Variants in USP12 observed in about 807,000 individuals in gnomAD.
USP12 encodes the protein ubiquitin specific peptidase 12.
Under a neutral mutation model 45.5 loss-of-function variants are expected in USP12, and 19 were observed. That is an observed-to-expected ratio of 0.42 (90% CI 0.29 to 0.61). The LOEUF (loss-of-function observed/expected upper bound fraction) is 0.61. Ranked by LOEUF, USP12 falls within the 20% of genes least tolerant of loss-of-function variation. The pLI, the probability that USP12 is intolerant of heterozygous loss-of-function variation, is 0.22. For missense variants in USP12, 242 were observed against 447.7 expected (o/e 0.54, Z 4.15); for synonymous variants, 149 against 148.8 (o/e 1.00, Z -0.01).
chr13:27,122,058 G>A (rs955161422), intron 1 of USP12, among the ~76,000 whole-genome samples: 46 of 152,264 alleles, frequency 3.0e-4, no homozygotes, highest in African/African-American at 1.1e-3. Flanking sequence ...GGCCAGGCAT[G>A]GTGGCTCGTG....
At chr13:27,149,012 A>G (rs559328044) in intron 1 of USP12, among the ~76,000 whole-genome samples, 2 of 151,914 alleles carry the variant, frequency 1.3e-5, no homozygotes, top group Non-Finnish European at 2.9e-5. Context: ...GTGAGAACCC[A>G]TCTCCACCAA....
At position 27,075,244 on chromosome 13, in the gene USP12, G is replaced by C. The variant is rs1393955706; in HGVS notation, c.879C>G (p.Ala293=). ...GGTCGTACATTCTGTCTGGATTGGT[G>C]GCATCACCTGAAGTGTTAAACAGAC... ...ELRLFNTSGD[A]TNPDRMYDLV... is the part of the protein sequence containing the mutation. The change falls in exon 7 of 9, where the codon GCC becomes GCG. Residue 293 remains alanine, a synonymous_variant. Transcript: ENST00000282344. The C allele has an allele frequency of 6.2e-7, 1 of 1,613,892 alleles. No individual in the cohort carries two copies. The highest frequency in any genetic ancestry group is 2.2e-5 in the East Asian group (1 of 44,852).
intron 1 of USP12, among the ~76,000 whole-genome samples, chr13:27,122,134 CAA>C (rs1365758382): frequency 2.0e-5 from 3 of 151,776 alleles, no homozygotes; most frequent in Admixed American, 2.0e-4. Context: ...CCAACCTGGG[CAA>C]CATGGCGAAA....
In USP12 at chr13:27,105,771, T is replaced by A. The variant is rs188766348; in HGVS notation, c.303A>T (p.Ile101=). Residue 101 remains isoleucine, a synonymous_variant, in exon 3 of 9, where the codon ATA becomes ATT. Transcript: ENST00000282344. ...IATQKKKVGV[I]PPKKFITRLR... ...ATCTTGTGATGAACTTCTTAGGGGG[T>A]ATTACTCCAACCTTTTTCTTCTGAG... The A allele has an allele frequency of 1.2e-5, 20 of 1,613,748 alleles. No homozygotes were observed. The Admixed American group carries it at 2.7e-4, about 22-fold the overall frequency.
chr13:27,133,787 T>TA lies in USP12; in HGVS notation c.49-17192dup, dbSNP rs896132776. 4.7e-4 allele frequency among the ~76,000 whole-genome samples: 72 copies of TA among 151,816 alleles called. No homozygotes were observed. In the Middle Eastern group the frequency reaches 0.01, roughly 22 times the overall value. Reference sequence around the variant, plus strand: ...TTCTTAAATACTACATATAGAAATGTAAAAAAAAATTATATTCAGAAAAAT... The same window carrying TA: ...TTCTTAAATACTACATATAGAAATGTAAAAAAAAAATTATATTCAGAAAAAT... On this transcript the variant is annotated intron_variant, in intron 1 of 8. Coordinates refer to ENST00000282344, the MANE Select transcript of USP12 (RefSeq NM_182488.4).
At chr13:27,167,969 A>C (rs1363461994) in intron 1 of USP12, among the ~76,000 whole-genome samples, 1 of 152,216 alleles carries the variant, frequency 6.6e-6, no homozygotes, top group Non-Finnish European at 1.5e-5. Flanking sequence ...TATGTTTTTA[A>C]AAATCGTGTT....
At chr13:27,080,713 C>G (rs1004603672) in intron 6 of USP12, among the ~76,000 whole-genome samples, 2 of 152,014 alleles carry the variant, frequency 1.3e-5, no homozygotes, top group African/African-American at 4.8e-5. Context: ...TCCAGGCCAC[C>G]GCAATAAAGT....
At chr13:27,080,817 A>G (rs1294340816) in intron 6 of USP12, among the ~76,000 whole-genome samples, 1 of 152,196 alleles carries the variant, frequency 6.6e-6, no homozygotes, top group African/African-American at 2.4e-5. Context: ...ACTATACTGT[A>G]GTGTATTATG....
chr13:27,072,869 C>T (rs979042133), intron 7 of USP12, among the ~76,000 whole-genome samples: 4 of 152,130 alleles, frequency 2.6e-5, no homozygotes, highest in African/African-American at 9.7e-5. Context: ...GCTGCGCACA[C>T]CCTCCACACT....
At chr13:27,105,632 T>TTATC in intron 3 of USP12, 99 bp downstream of exon 3, 1 of 1,149,322 alleles carries the variant, frequency 8.7e-7, no homozygotes, top group Admixed American at 2.2e-5. Context: ...AGCTAACATG[T>TTATC]TATCAGGCAT....
intron 1 of USP12, among the ~76,000 whole-genome samples, chr13:27,132,984 C>G (rs1876577690): frequency 6.6e-6 from 1 of 152,228 alleles, no homozygotes; most frequent in Admixed American, 6.5e-5. Context: ...CATGCTCCTA[C>G]TATGAACTGT....
At chr13:27,134,509 GAGA>G (rs1876699235) in intron 1 of USP12, among the ~76,000 whole-genome samples, 1 of 152,086 alleles carries the variant, frequency 6.6e-6, no homozygotes, top group Non-Finnish European at 1.5e-5. Context: ...TGTCAGAAAA[GAGA>G]AGAGTTACTT....
chr13:27,086,282 TACACACAC>T (rs71083627), intron 6 of USP12, among the ~76,000 whole-genome samples: 116 of 137,306 alleles, frequency 8.4e-4, no homozygotes, highest in African/African-American at 2.0e-3. Flanking sequence ...TATATATAAT[TACACACAC>T]ACACACACAC....
chr13:27,086,308 C>CACACACACACACACACACAA (rs369044569), intron 6 of USP12, among the ~76,000 whole-genome samples: 2 of 122,520 alleles, frequency 1.6e-5, no homozygotes, highest in Non-Finnish European at 3.4e-5. Flanking sequence ...CACACACACA[C>CACACACACACACACACACAA]AATGCAGCAC....
intron 1 of USP12, among the ~76,000 whole-genome samples, chr13:27,122,616 C>T (rs1055932157): frequency 6.6e-6 from 1 of 151,990 alleles, no homozygotes; most frequent in African/African-American, 2.4e-5. Flanking sequence ...TGTGCCACTA[C>T]ACCCCAGCCT....
intron 1 of USP12, among the ~76,000 whole-genome samples, chr13:27,126,196 C>A (rs1203644975): frequency 6.6e-6 from 1 of 152,196 alleles, no homozygotes; most frequent in Non-Finnish European, 1.5e-5. Flanking sequence ...GGGAGTGCAG[C>A]CTGACTGGGA....
intron 1 of USP12, among the ~76,000 whole-genome samples, chr13:27,155,066 CTTTTTTTTTTTTTTT>C (rs71083634): frequency 5.4e-4 from 31 of 57,658 alleles, no homozygotes; most frequent in South Asian, 1.2e-3. Flanking sequence ...ATGTCCACAA[CTTTTTTTTTTTTTTT>C]TTTTTTTTTT....
At chr13:27,136,315 T>C (rs1593202217) in intron 1 of USP12, among the ~76,000 whole-genome samples, 6 of 152,128 alleles carry the variant, frequency 3.9e-5, no homozygotes, top group Admixed American at 3.9e-4. Flanking sequence ...CTGGCCAACA[T>C]GGCGAAACCC....
intron 2 of USP12, among the ~76,000 whole-genome samples, chr13:27,106,831 T>C (rs1214350974): frequency 6.6e-6 from 1 of 151,674 alleles, no homozygotes; most frequent in African/African-American, 2.4e-5. Flanking sequence ...ATAAAACATT[T>C]ACTTTGTACC....
Sources: allele counts gnomAD v4.1 joint callset (sites outside exome capture counted in the v4.1 genomes callset), GRCh38; gene constraint gnomAD v4.1.1; transcripts MANE v1.5; gene names NCBI Gene and HGNC (gene_info 2026-07-23, HGNC 2026-07-21).